The following TIMM29 variants were observed in gnomAD, a reference collection of about 807,000 sequenced individuals.
The protein encoded by TIMM29 is translocase of inner mitochondrial membrane 29, also known as mitochondrial import inner membrane translocase subunit Tim29.
In TIMM29, 23 loss-of-function variants were observed where a neutral mutation model predicts 19.5. The ratio of observed to expected loss-of-function variants is 1.18; its 90% CI spans 0.85 to 1.67. TIMM29 has a LOEUF of 1.67. Ranked by LOEUF, TIMM29 falls within the 40% of genes most tolerant of loss-of-function variation. The pLI is 0.00. For missense variants in TIMM29, 404 were observed against 384.7 expected, an observed-to-expected ratio of 1.05 and a Z score of -0.42; for synonymous variants, 209 against 185.0, an observed-to-expected ratio of 1.13 and a Z score of -1.05.
Position 10,929,268 on chromosome 19 carries a change from C to A in TIMM29, c.349C>A (p.Arg117=). ...CTTCGTGCAGAGGCTGCTCTGGCTG[C>A]GGGGCCGTGGCCGCCTGCGCTACGT... The part of the protein sequence containing the change: ...EAFVQRLLWL[R]GRGRLRYVNL... Residue 117 remains arginine (R), a synonymous_variant, in exon 2 of 2, where the codon CGG becomes AGG. Coordinates refer to ENST00000270502, the MANE Select transcript of TIMM29 (RefSeq NM_138358.4). 6.5e-7 allele frequency: 1 copy of A among 1,536,666 alleles called. No homozygotes were observed. Among genetic ancestry groups the A allele is most frequent in the Non-Finnish European group, 8.7e-7 (1 of 1,145,690 alleles).
At position 10,929,252 on chromosome 19, in the gene TIMM29, G is replaced by C; in HGVS notation, c.333G>C (p.Gln111His). The C allele has an allele frequency of 6.5e-7, 1 of 1,533,148 alleles. No individual in the cohort carries two copies. Among genetic ancestry groups the C allele is most frequent in the Non-Finnish European group, 8.7e-7 (1 of 1,144,040 alleles). 95.0% of individuals were successfully genotyped at this position (1,533,148 alleles called of 1,614,324 possible). The change falls in exon 2 of 2, where the codon CAG becomes CAC. Residue 111 changes from glutamine to histidine, a missense_variant. Coordinates refer to ENST00000270502, the MANE Select transcript of TIMM29 (RefSeq NM_138358.4). ...ACCGCGAGTCCGAAGCCTTCGTGCA[G>C]AGGCTGCTCTGGCTGCGGGGCCGTG... ...TRNRESEAFV[Q>H]RLLWLRGRGR...
In TIMM29 at chr19:10,928,928, C is replaced by T; in HGVS notation, c.94+12C>T. 1 of 1,506,630 alleles carries T rather than the reference C, an allele frequency of 6.6e-7. No homozygotes were observed. Among genetic ancestry groups the T allele is most frequent in the Non-Finnish European group, 8.8e-7 (1 of 1,137,246 alleles). 93.3% of individuals were successfully genotyped at this position (1,506,630 alleles called of 1,614,324 possible). A position where few individuals can be genotyped will look rare whatever the true frequency, so the allele number is the denominator to read the frequency against. ...GTGGGCGCGGCTGGGTGAGTAGCGG[C>T]GGAAGGCGGCAGGGTGGGTGGCCGC... On this transcript the variant is annotated intron_variant, in intron 1 of 1. Coordinates refer to ENST00000270502, the MANE Select transcript of TIMM29 (RefSeq NM_138358.4).
Position 10,930,232 on chromosome 19 carries a change from T to C in TIMM29, c.*530T>C, listed in dbSNP as rs903379191. ...TAATAGTAATTAACTAAATAAAATT[T>C]GAGCTGAAATGTTTTTATTCTATGA... On this transcript the variant is annotated 3_prime_UTR_variant, in exon 2 of 2. Coordinates refer to ENST00000270502, the MANE Select transcript of TIMM29 (RefSeq NM_138358.4). 5 of 151,962 alleles carry C rather than the reference T, an allele frequency of 3.3e-5. No homozygotes were observed. Among genetic ancestry groups the C allele is most frequent in the Non-Finnish European group, 5.9e-5 (4 of 68,114 alleles). The allele number at this position is 151,962 out of a possible 1,614,324, so 9.4% of individuals were successfully genotyped here.
Position 10,929,022 on chromosome 19 carries a change from GC to G in TIMM29, c.106del (p.Arg36AlafsTer212). 1 of 1,463,782 alleles carries G rather than the reference GC, an allele frequency of 6.8e-7. No individual in the cohort carries two copies. The highest frequency in any genetic ancestry group is 8.9e-7 in the Non-Finnish European group (1 of 1,124,080). The allele number at this position is 1,463,782 out of a possible 1,614,324, so 90.7% of individuals were successfully genotyped here. ...CGCTCCTCTCCCCTCAGGGTCCTGG[GC>G]CCGCGCGCTGCTCCGGGACTACGCC... The part of the protein sequence containing the change: ...PGVWARLGSW[A>X]RALLRDYAEA... On this transcript the variant is annotated frameshift_variant, in exon 2 of 2. Transcript: ENST00000270502. LOFTEE classifies it high-confidence loss of function.
rs2083471138 is a variant in TIMM29, at chr19:10,929,107, A to G, written c.188A>G (p.Tyr63Cys). The G allele has an allele frequency of 1.4e-6, 2 of 1,468,570 alleles. No homozygotes were observed. The highest frequency in any genetic ancestry group is 1.5e-5 in the African/African-American group (1 of 67,736). The allele number at this position is 1,468,570 out of a possible 1,614,324, so 91.0% of individuals were successfully genotyped here. A position where few individuals can be genotyped will look rare whatever the true frequency, so the allele number is the denominator to read the frequency against. ...ARARPGRAAV[Y>C]VGLLGGAAAC... is the part of the protein sequence containing the mutation. ...GCCCGGCCGGGGCGCGCCGCTGTGT[A>G]TGTGGGTCTGCTGGGCGGCGCGGCG... is the stretch of plus-strand genomic sequence containing the variant. The change falls in exon 2 of 2, where the codon TAT becomes TGT. Residue 63 changes from tyrosine to cysteine, a missense_variant. Transcript: ENST00000270502.
rs1217620746 is a variant in TIMM29 at position 10,929,447 on chromosome 19, G to A, written c.528G>A (p.Gly176=). 6.2e-7 allele frequency: 1 copy of A among 1,612,652 alleles called. No homozygotes were observed. Among genetic ancestry groups the A allele is most frequent in the African/African-American group, 1.3e-5 (1 of 74,942 alleles). ...TCGTGGGTCGCTGGTGGGTGCTGGGGGCCTGGATGCGCGACTGCGACATCA... is the reference window on the plus strand; with the variant it reads ...TCGTGGGTCGCTGGTGGGTGCTGGGAGCCTGGATGCGCGACTGCGACATCA... The part of the protein sequence containing the change: ...VGFVGRWWVL[G]AWMRDCDIND... The change falls in exon 2 of 2, where the codon GGG becomes GGA. Residue 176 remains glycine, a synonymous_variant. Transcript: ENST00000270502.
Position 10,929,089 on chromosome 19 carries a change from C to T in TIMM29, c.170C>T (p.Pro57Leu), listed in dbSNP as rs1452372579. ...GCTTCGGCGGAGGCTAGGGCCCGGC[C>T]GGGGCGCGCCGCTGTGTATGTGGGT... ...RDASAEARAR[P>L]GRAAVYVGLL... is the part of the protein sequence containing the mutation. The change falls in exon 2 of 2, where the codon CCG (proline) becomes CTG (leucine). Residue 57 changes from proline (P) to leucine (L), a missense_variant. Pro to Leu is a moderately conservative substitution (Grantham distance 98, BLOSUM62 -3). Transcript: ENST00000270502. 2 of 1,457,214 alleles carry T rather than the reference C, an allele frequency of 1.4e-6. No individual in the cohort carries two copies. Among genetic ancestry groups the T allele is most frequent in the East Asian group, 2.8e-5 (1 of 35,958 alleles). The allele number at this position is 1,457,214 out of a possible 1,614,324, so 90.3% of individuals were successfully genotyped here.
Position 10,929,099 on chromosome 19 carries a change from C to A in TIMM29, c.180C>A (p.Ala60=). The part of the protein sequence containing the change: ...SAEARARPGR[A]AVYVGLLGGA... ...AGGCTAGGGCCCGGCCGGGGCGCGC[C>A]GCTGTGTATGTGGGTCTGCTGGGCG... The change falls in exon 2 of 2, where the codon GCC becomes GCA. Residue 60 remains alanine (A), a synonymous_variant. Coordinates refer to ENST00000270502, the MANE Select transcript of TIMM29 (RefSeq NM_138358.4). 6.9e-7 allele frequency: 1 copy of A among 1,457,482 alleles called. No homozygotes were observed. The highest frequency in any genetic ancestry group is 1.4e-5 in the South Asian group (1 of 72,262). 90.3% of individuals were successfully genotyped at this position (1,457,482 alleles called of 1,614,324 possible).
At position 10,929,682 on chromosome 19, in the gene TIMM29, C is replaced by T. The variant is rs2083479548; in HGVS notation, c.763C>T (p.Gln255Ter). The T allele has an allele frequency of 6.2e-7, 1 of 1,606,456 alleles. No individual in the cohort carries two copies. ...CCTGAGCCAGGCCCACTCGCTGGTG[C>T]AGGCGGAGGCCCCGAGATGAAACCC... ...LALSQAHSLV[Q>*]AEAPR Residue 255 changes from glutamine to a stop codon, truncating the protein, a stop_gained, in exon 2 of 2, where the codon CAG (glutamine) becomes TAG (stop). Coordinates refer to ENST00000270502, the MANE Select transcript of TIMM29 (RefSeq NM_138358.4). LOFTEE classifies it high-confidence loss of function.
chr19:10,929,032 T>A lies in TIMM29; in HGVS notation c.113T>A (p.Leu38Gln). ...CCCTCAGGGTCCTGGGCCCGCGCGC[T>A]GCTCCGGGACTACGCCGAGGCCTGC... is the stretch of plus-strand genomic sequence containing the variant. ...WARLGSWARA[L>Q]LRDYAEACRD... Residue 38 changes from leucine to glutamine, a missense_variant, in exon 2 of 2, where the codon CTG becomes CAG. Transcript: ENST00000270502. The A allele has an allele frequency of 6.8e-7, 1 of 1,462,832 alleles. No homozygotes were observed. Among genetic ancestry groups the A allele is most frequent in the Non-Finnish European group, 8.9e-7 (1 of 1,123,588 alleles). The allele number at this position is 1,462,832 out of a possible 1,614,324, so 90.6% of individuals were successfully genotyped here.
In TIMM29 at chr19:10,929,048, C is replaced by G. The variant is rs116937805; in HGVS notation, c.129C>G (p.Ala43=). The change falls in exon 2 of 2, where the codon GCC becomes GCG. Residue 43 remains alanine, a synonymous_variant. Transcript: ENST00000270502. The part of the protein sequence containing the change: ...SWARALLRDY[A]EACRDASAEA... ...CCCGCGCGCTGCTCCGGGACTACGC[C>G]GAGGCCTGCAGGGACGCTTCGGCGG... 8.3e-3 allele frequency: 12,204 copies of G among 1,471,214 alleles called. 560 individuals are homozygous for G. The Admixed American group carries it at 0.097, about 12-fold the overall frequency. The allele number at this position is 1,471,214 out of a possible 1,614,324, so 91.1% of individuals were successfully genotyped here. A position where few individuals can be genotyped will look rare whatever the true frequency, so the allele number is the denominator to read the frequency against.
chr19:10,929,991 G>A lies in TIMM29; in HGVS notation c.*289G>A, dbSNP rs2083482174. The A allele has an allele frequency of 5.4e-6, 2 of 370,230 alleles. No homozygotes were observed. The highest frequency in any genetic ancestry group is 4.2e-5 in the African/African-American group (2 of 47,874). The allele number at this position is 370,230 out of a possible 1,614,324, so 22.9% of individuals were successfully genotyped here. ...TATAAGCCTTTTTCATCGGGCCTCA[G>A]AGGCCCTCCTTAAGGAGGTACCACA... is the stretch of plus-strand genomic sequence containing the variant. On this transcript the variant is annotated 3_prime_UTR_variant, in exon 2 of 2. Transcript: ENST00000270502.
Position 10,929,924 on chromosome 19 carries a change from G to T in TIMM29, c.*222G>T. ...GGAGTTGGGGACAGCAGAACGACTTGACACATGTTCATCACTGGCAGAGCT... is the reference window on the plus strand; with the variant it reads ...GGAGTTGGGGACAGCAGAACGACTTTACACATGTTCATCACTGGCAGAGCT... On this transcript the variant is annotated 3_prime_UTR_variant, in exon 2 of 2. Coordinates refer to ENST00000270502, the MANE Select transcript of TIMM29 (RefSeq NM_138358.4). The T allele has an allele frequency of 1.8e-6, 1 of 569,838 alleles. No homozygotes were observed. 35.3% of individuals were successfully genotyped at this position (569,838 alleles called of 1,614,324 possible).
Position 10,928,833 on chromosome 19 carries a change from C to A in TIMM29, c.11C>A (p.Ala4Glu). The stretch of plus-strand genomic sequence containing the variant: ...CCAAGACGGAAGAGGATGGCCGCGG[C>A]GGCTCTGAGGAGATTTTGGTCCCGG... MAA[A>E]ALRRFWSRRR... The change falls in exon 1 of 2, where the codon GCG becomes GAG. Residue 4 changes from alanine to glutamate, a missense_variant. By Grantham distance (107) the Ala-to-Glu change is moderately radical (BLOSUM62 -1). Coordinates refer to ENST00000270502, the MANE Select transcript of TIMM29 (RefSeq NM_138358.4). 6.5e-7 allele frequency: 1 copy of A among 1,528,590 alleles called. No homozygotes were observed. The highest frequency in any genetic ancestry group is 8.8e-7 in the Non-Finnish European group (1 of 1,141,480). The allele number at this position is 1,528,590 out of a possible 1,614,324, so 94.7% of individuals were successfully genotyped here.
rs2083473119 is a variant in TIMM29 at position 10,929,250 on chromosome 19, C to T, written c.331C>T (p.Gln111Ter). ...CAACCGCGAGTCCGAAGCCTTCGTG[C>T]AGAGGCTGCTCTGGCTGCGGGGCCG... The part of the protein sequence containing the change: ...TRNRESEAFV[Q>*]RLLWLRGRGR... Residue 111 changes from glutamine (Q) to a stop codon, truncating the protein, a stop_gained, in exon 2 of 2, where the codon CAG becomes TAG. Transcript: ENST00000270502. LOFTEE classifies it high-confidence loss of function. 1 of 1,531,916 alleles carries T rather than the reference C, an allele frequency of 6.5e-7. No individual in the cohort carries two copies. Among genetic ancestry groups the T allele is most frequent in the Non-Finnish European group, 8.7e-7 (1 of 1,143,496 alleles). 94.9% of individuals were successfully genotyped at this position (1,531,916 alleles called of 1,614,324 possible).
In TIMM29 at chr19:10,929,150, G is replaced by A; in HGVS notation, c.231G>A (p.Ala77=). 1 of 1,453,872 alleles carries A rather than the reference G, an allele frequency of 6.9e-7. No homozygotes were observed. Among genetic ancestry groups the A allele is most frequent in the Non-Finnish European group, 9.0e-7 (1 of 1,114,396 alleles). 90.1% of individuals were successfully genotyped at this position (1,453,872 alleles called of 1,614,324 possible). A position where few individuals can be genotyped will look rare whatever the true frequency, so the allele number is the denominator to read the frequency against. Residue 77 remains alanine (A), a synonymous_variant, in exon 2 of 2, where the codon GCG becomes GCA. Transcript: ENST00000270502. ...GCGCGGCGGCCTGCTTCACGCTGGC[G>A]CCCAGCGAGGGTGCCTTCGAGGAGG... ...LGGAAACFTL[A]PSEGAFEEAL...
At chr19:10,928,968 T>A in intron 1 of TIMM29, 46 bp from the exon 2 acceptor site, 1 of 1,469,290 alleles carries the variant, frequency 6.8e-7, no homozygotes, top group South Asian at 1.3e-5. Flanking sequence ...ACAGGGTGGG[T>A]GGCCGCCGCG....
rs1272539212 is a variant in TIMM29, at chr19:10,929,151, C to T, written c.232C>T (p.Pro78Ser). ...CGCGGCGGCCTGCTTCACGCTGGCG[C>T]CCAGCGAGGGTGCCTTCGAGGAGGC... Reference protein sequence around the residue: ...GGAAACFTLAPSEGAFEEALL... With the variant: ...GGAAACFTLASSEGAFEEALL... The change falls in exon 2 of 2, where the codon CCC becomes TCC. Residue 78 changes from proline (P) to serine (S), a missense_variant. Coordinates refer to ENST00000270502, the MANE Select transcript of TIMM29 (RefSeq NM_138358.4). 2 of 1,454,148 alleles carry T rather than the reference C, an allele frequency of 1.4e-6. No homozygotes were observed. Among genetic ancestry groups the T allele is most frequent in the South Asian group, 1.4e-5 (1 of 70,740 alleles). 90.1% of individuals were successfully genotyped at this position (1,454,148 alleles called of 1,614,324 possible). A position where few individuals can be genotyped will look rare whatever the true frequency, so the allele number is the denominator to read the frequency against.
chr19:10,929,433 T>C lies in TIMM29; in HGVS notation c.514T>C (p.Trp172Arg). ...CCTGGACGTGGGCTTCGTGGGTCGC[T>C]GGTGGGTGCTGGGGGCCTGGATGCG... is the stretch of plus-strand genomic sequence containing the variant. Reference protein sequence around the residue: ...RVLDVGFVGRWWVLGAWMRDC... With the variant: ...RVLDVGFVGRRWVLGAWMRDC... Residue 172 changes from tryptophan to arginine, a missense_variant, in exon 2 of 2, where the codon TGG becomes CGG. Coordinates refer to ENST00000270502, the MANE Select transcript of TIMM29 (RefSeq NM_138358.4). 6.2e-7 allele frequency: 1 copy of C among 1,612,158 alleles called. No homozygotes were observed. The highest frequency in any genetic ancestry group is 1.7e-4 in the Middle Eastern group (1 of 6,060).
Sources: allele counts gnomAD v4.1 joint callset, GRCh38; gene constraint gnomAD v4.1.1; transcripts MANE v1.5; gene names NCBI Gene and HGNC (gene_info 2026-07-23, HGNC 2026-07-21).